The following ZFAND6 variants were observed in gnomAD, a reference collection of about 807,000 sequenced individuals.
The protein encoded by ZFAND6 is AN1-type zinc finger protein 6.
A neutral mutation model predicts 24.5 loss-of-function variants in ZFAND6; 12 were observed. The ratio of observed to expected loss-of-function variants is 0.49; its 90% CI spans 0.31 to 0.79. The LOEUF is 0.79. Ranked by LOEUF, ZFAND6 falls within the 30% of genes least tolerant of loss-of-function variation. The pLI is 0.04. For missense variants in ZFAND6, 207 were observed against 245.9 expected, an observed-to-expected ratio of 0.84 and a Z score of 1.06; for synonymous variants, 92 against 81.5, an observed-to-expected ratio of 1.13 and a Z score of -0.69.
chr15:80,123,315 G>GC (rs2040229119), intron 5 of ZFAND6, among the ~76,000 whole-genome samples: 1 of 152,178 alleles, frequency 6.6e-6, no homozygotes, highest in African/African-American at 2.4e-5. Context: ...CCATTATGAA[G>GC]CTCAAAGTGA....
At chr15:80,126,580 C>T (rs1223013258) in intron 5 of ZFAND6, among the ~76,000 whole-genome samples, 1 of 152,196 alleles carries the variant, frequency 6.6e-6, no homozygotes, top group Non-Finnish European at 1.5e-5. Flanking sequence ...GGAACAACTT[C>T]ATATCCACAT....
At chr15:80,133,527 G>A (rs545460439) in intron 6 of ZFAND6, among the ~76,000 whole-genome samples, 28 of 152,226 alleles carry the variant, frequency 1.8e-4, no homozygotes, top group Admixed American at 1.6e-3. Context: ...GTTTGGCTTT[G>A]AAAAAGTCAA....
At chr15:80,090,172 T>C (rs1355366975) in intron 1 of ZFAND6, among the ~76,000 whole-genome samples, 1 of 152,230 alleles carries the variant, frequency 6.6e-6, no homozygotes, top group Non-Finnish European at 1.5e-5. Context: ...TATTAAGTAG[T>C]AAAGCAAGAA....
At chr15:80,104,491 C>T (rs1365740008) in intron 2 of ZFAND6, among the ~76,000 whole-genome samples, 1 of 152,086 alleles carries the variant, frequency 6.6e-6, no homozygotes, top group Non-Finnish European at 1.5e-5. Context: ...TGCACTCCAG[C>T]CTGGGCGACA....
intron 1 of ZFAND6, among the ~76,000 whole-genome samples, chr15:80,065,536 G>GTTTTTTTTTTTTTTTTTTTTT (rs1341209807): frequency 1.2e-5 from 1 of 84,982 alleles, no homozygotes; most frequent in African/African-American, 4.4e-5. Context: ...TTTTGGTTTT[G>GTTTTTTTTTTTTTTTTTTTTT]ATTTTTTTTT....
intron 1 of ZFAND6, among the ~76,000 whole-genome samples, chr15:80,096,955 T>C (rs1222733783): frequency 6.6e-6 from 1 of 152,206 alleles, no homozygotes; most frequent in Non-Finnish European, 1.5e-5. Context: ...GTATTGTGGC[T>C]TTCTGATACT....
intron 1 of ZFAND6, among the ~76,000 whole-genome samples, chr15:80,072,199 G>T (rs2037014655): frequency 6.6e-6 from 1 of 151,958 alleles, no homozygotes; most frequent in African/African-American, 2.4e-5. Flanking sequence ...AAAATAATCT[G>T]TCTTTAAAGC....
intron 6 of ZFAND6, among the ~76,000 whole-genome samples, chr15:80,136,048 C>T (rs759368531): frequency 1.1e-4 from 16 of 152,126 alleles, no homozygotes; most frequent in Middle Eastern, 3.4e-3. Context: ...ATTGCTTGAG[C>T]CCAGGAGGTC....
intron 2 of ZFAND6, among the ~76,000 whole-genome samples, chr15:80,113,329 A>G (rs950373163): frequency 3.9e-5 from 6 of 152,210 alleles, no homozygotes; most frequent in African/African-American, 1.4e-4. Context: ...GAATTACGTG[A>G]CATTCCCCAA....
intron 2 of ZFAND6, among the ~76,000 whole-genome samples, chr15:80,117,575 C>T (rs1256352670): frequency 3.3e-5 from 5 of 152,110 alleles, no homozygotes; most frequent in Non-Finnish European, 4.4e-5. Flanking sequence ...AAATAAGAAA[C>T]GTGTTCCATG....
intron 2 of ZFAND6, among the ~76,000 whole-genome samples, chr15:80,117,847 T>TC (rs1017992949): frequency 4.6e-5 from 7 of 151,738 alleles, no homozygotes; most frequent in East Asian, 1.9e-4. Flanking sequence ...TCTATTTTTT[T>TC]CCCCCACAAT....
intron 2 of ZFAND6, among the ~76,000 whole-genome samples, chr15:80,108,126 A>G (rs1448477566): frequency 6.6e-6 from 1 of 152,224 alleles, no homozygotes; most frequent in Non-Finnish European, 1.5e-5. Context: ...TTGGCACATA[A>G]AGTTCTATAT....
chr15:80,105,732 T>C (rs570481338), intron 2 of ZFAND6, among the ~76,000 whole-genome samples: 1 of 152,336 alleles, frequency 6.6e-6, no homozygotes, highest in African/African-American at 2.4e-5. Flanking sequence ...ACATATCAAG[T>C]TGTCCCTGTA....
At chr15:80,123,599 G>A (rs2040241480) in intron 5 of ZFAND6, among the ~76,000 whole-genome samples, 1 of 152,160 alleles carries the variant, frequency 6.6e-6, no homozygotes, top group Non-Finnish European at 1.5e-5. Flanking sequence ...CCTAGTTTAA[G>A]ATGGCTAAAT....
At chr15:80,078,885 A>G (rs2037454083) in intron 1 of ZFAND6, among the ~76,000 whole-genome samples, 1 of 141,682 alleles carries the variant, frequency 7.1e-6, no homozygotes, top group Non-Finnish European at 1.5e-5. Context: ...TTGCTCAATT[A>G]TTTTATTTTA....
chr15:80,131,330 T>A, intron 6 of ZFAND6, 37 bp downstream of exon 6: 1 of 1,562,076 alleles, frequency 6.4e-7, no homozygotes, highest in Non-Finnish European at 8.8e-7. Context: ...ATTAAAATGA[T>A]GTTTTATAAT....
At chr15:80,073,229 C>T in intron 1 of ZFAND6, 1 of 248,362 alleles carries the variant, frequency 4.0e-6, no homozygotes, top group South Asian at 3.6e-5. Flanking sequence ...AAACTGCTTT[C>T]TTCTTACTTC....
chr15:80,131,161 A>G lies in ZFAND6; in HGVS notation c.365-19A>G, dbSNP rs1286434059. The G allele has an allele frequency of 2.6e-6, 4 of 1,525,230 alleles. No individual in the cohort carries two copies. Among genetic ancestry groups the G allele is most frequent in the African/African-American group, 2.8e-5 (2 of 72,704 alleles). 94.5% of individuals were successfully genotyped at this position (1,525,230 alleles called of 1,614,324 possible). A position where few individuals can be genotyped will look rare whatever the true frequency, so the allele number is the denominator to read the frequency against. On this transcript the variant is annotated intron_variant, in intron 5 of 6. Transcript: ENST00000261749. ...TCTTACAGAATAATTAAATTTTGCC[A>G]CCTTCGTATTTTTGTTAGCTTCAGT...
At chr15:80,110,127 C>G (rs959894880) in intron 2 of ZFAND6, among the ~76,000 whole-genome samples, 1 of 152,176 alleles carries the variant, frequency 6.6e-6, no homozygotes, top group Non-Finnish European at 1.5e-5. Flanking sequence ...GCAGAAACCA[C>G]AGTGTCTCTT....
Sources: gnomAD v4.1 joint callset for allele counts (sites outside exome capture counted in the v4.1 genomes callset) on GRCh38, gnomAD v4.1.1 for gene constraint, MANE v1.5 for transcripts, NCBI Gene and HGNC (gene_info 2026-07-23, HGNC 2026-07-21) for gene names.